CNTN4: variants seen among roughly 807,000 people sequenced by gnomAD.
CNTN4 encodes contactin 4, also known as contactin-4.
Under a neutral mutation model 122.5 loss-of-function variants are expected in CNTN4, and 77 were observed. The observed-to-expected ratio is 0.63, with a 90% CI of 0.52 to 0.76. The LOEUF is 0.76. CNTN4 is among the 30% of genes least tolerant of loss of function. The pLI, the probability that CNTN4 is intolerant of heterozygous loss-of-function variation, is 0.00. For missense variants in CNTN4, 1,256 were observed against 1,259.1 expected, an observed-to-expected ratio of 1.00 and a Z score of 0.04; for synonymous variants, 512 against 447.0, an observed-to-expected ratio of 1.15 and a Z score of -1.83.
chr3:2,945,843 C>G (rs551542195), intron 13 of CNTN4, among the ~76,000 whole-genome samples: 4 of 152,102 alleles, frequency 2.6e-5, no homozygotes, highest in African/African-American at 7.2e-5. Flanking sequence ...AAATCAAGGG[C>G]TAGAAAAATA....
At chr3:2,290,474 G>A (rs553342730) in intron 2 of CNTN4, among the ~76,000 whole-genome samples, 58 of 152,240 alleles carry the variant, frequency 3.8e-4, no homozygotes, top group South Asian at 1.5e-3. Context: ...AGTTACAGGG[G>A]AAAATCATTA....
intron 3 of CNTN4, among the ~76,000 whole-genome samples, chr3:2,498,585 A>T (rs906526570): frequency 1.3e-5 from 2 of 151,538 alleles, no homozygotes; most frequent in Admixed American, 6.6e-5. Context: ...GGCTCAAATG[A>T]CCCTCCCACC....
Position 2,883,002 on chromosome 3 carries a change from G to A in CNTN4, c.653-143G>A, listed in dbSNP as rs4685575. On this transcript the variant is annotated intron_variant, in intron 8 of 24. Transcript: ENST00000418658. ...AGAAGAGCCACAATTCATGACTGCTGGAGATAGGACCTGCTTTAAATGAAG... is the reference window on the plus strand; with the variant it reads ...AGAAGAGCCACAATTCATGACTGCTAGAGATAGGACCTGCTTTAAATGAAG... 343,721 of 648,452 alleles carry A rather than the reference G, an allele frequency of 0.53. 93,523 individuals carry two copies. The highest frequency in any genetic ancestry group is 0.78 in the East Asian group (25,381 of 32,552). The allele number at this position is 648,452 out of a possible 1,614,324, so 40.2% of individuals were successfully genotyped here. A position where few individuals can be genotyped will look rare whatever the true frequency, so the allele number is the denominator to read the frequency against.
intron 6 of CNTN4, among the ~76,000 whole-genome samples, chr3:2,815,979 G>A (rs1443027948): frequency 6.6e-6 from 1 of 151,792 alleles, no homozygotes; most frequent in African/African-American, 2.4e-5. Context: ...TCTAAGTGAA[G>A]TAACTCAGGA....
At chr3:2,947,764 G>T (rs551182175) in intron 13 of CNTN4, among the ~76,000 whole-genome samples, 6 of 152,162 alleles carry the variant, frequency 3.9e-5, no homozygotes, top group Non-Finnish European at 8.8e-5. Flanking sequence ...ATAGATACCA[G>T]ACATCTAACA....
chr3:2,920,832 G>A (rs988946652), intron 12 of CNTN4, among the ~76,000 whole-genome samples: 3 of 151,996 alleles, frequency 2.0e-5, no homozygotes, highest in East Asian at 1.9e-4. Context: ...AAAGGAATAG[G>A]AGTTTTTAAA....
chr3:2,306,008 TACA>T (rs1279555231), intron 2 of CNTN4, among the ~76,000 whole-genome samples: 4 of 152,224 alleles, frequency 2.6e-5, no homozygotes, highest in Non-Finnish European at 5.9e-5. Flanking sequence ...TCTATGGATA[TACA>T]ACATTTTGTT....
intron 3 of CNTN4, among the ~76,000 whole-genome samples, chr3:2,437,154 CA>C (rs1209910471): frequency 2.6e-5 from 4 of 152,106 alleles, no homozygotes; most frequent in Non-Finnish European, 5.9e-5. Context: ...TGTTCATTGC[CA>C]AAGTGCTCAG....
chr3:2,669,335 G>C (rs930652664), intron 4 of CNTN4, among the ~76,000 whole-genome samples: 5 of 152,052 alleles, frequency 3.3e-5, no homozygotes, highest in South Asian at 4.1e-4. Flanking sequence ...TGTATGTGTC[G>C]AGGAATTTAT....
intron 3 of CNTN4, among the ~76,000 whole-genome samples, chr3:2,527,701 A>T (rs1336868011): frequency 6.6e-6 from 1 of 152,044 alleles, no homozygotes; most frequent in Non-Finnish European, 1.5e-5. Flanking sequence ...AAATAGAAAT[A>T]CCTGTCTATT....
intron 14 of CNTN4, among the ~76,000 whole-genome samples, chr3:3,018,309 T>C (rs1177911719): frequency 1.3e-5 from 2 of 152,264 alleles, no homozygotes; most frequent in Non-Finnish European, 2.9e-5. Context: ...CATTCTTCTT[T>C]TTATAAGTAG....
chr3:2,442,894 G>A (rs1341516731), intron 3 of CNTN4, among the ~76,000 whole-genome samples: 1 of 152,092 alleles, frequency 6.6e-6, no homozygotes, highest in African/African-American at 2.4e-5. Context: ...TGTCTCTGAA[G>A]AAGTATTTCC....
intron 4 of CNTN4, among the ~76,000 whole-genome samples, chr3:2,627,157 G>T (rs2082222858): frequency 6.6e-6 from 1 of 152,164 alleles, no homozygotes; most frequent in African/African-American, 2.4e-5. Flanking sequence ...CAAGCCCCAG[G>T]TACCTGGGAC....
intron 17 of CNTN4, among the ~76,000 whole-genome samples, chr3:3,036,909 T>C (rs1343507445): frequency 6.6e-6 from 1 of 152,212 alleles, no homozygotes; most frequent in Non-Finnish European, 1.5e-5. Flanking sequence ...TAGTAATGAT[T>C]GAGTCAGGTA....
In CNTN4 at chr3:2,841,085, G is replaced by T. The variant is rs1456625074; in HGVS notation, c.454+21504G>T. ...GTCAAGGATCTTCAAAATCATACATGACTGATACCAATCTCATCATTGGAC... is the reference window on the plus strand; with the variant it reads ...GTCAAGGATCTTCAAAATCATACATTACTGATACCAATCTCATCATTGGAC... On this transcript the variant is annotated intron_variant, in intron 7 of 24. Coordinates refer to ENST00000418658, the MANE Select transcript of CNTN4 (RefSeq NM_175607.3). The surrounding 1 kb of genome is among the most constrained non-coding windows in gnomAD (Gnocchi z 4.8). 6.6e-6 allele frequency among the ~76,000 whole-genome samples: 1 copy of T among 152,114 alleles called. No individual in the cohort carries two copies. The highest frequency in any genetic ancestry group is 1.5e-5 in the Non-Finnish European group (1 of 68,020).
intron 2 of CNTN4, among the ~76,000 whole-genome samples, chr3:2,176,109 A>C (rs1311061468): frequency 6.6e-6 from 1 of 152,148 alleles, no homozygotes; most frequent in Non-Finnish European, 1.5e-5. Context: ...GCTTCCATGC[A>C]CAGGTACTTG....
At chr3:2,631,253 T>G (rs2082417103) in intron 4 of CNTN4, among the ~76,000 whole-genome samples, 1 of 152,216 alleles carries the variant, frequency 6.6e-6, no homozygotes, top group Non-Finnish European at 1.5e-5. Flanking sequence ...TGATGGGTTA[T>G]TGTGATGAAT....
At chr3:2,123,938 GA>G (rs1244428764) in intron 2 of CNTN4, among the ~76,000 whole-genome samples, 3 of 152,174 alleles carry the variant, frequency 2.0e-5, no homozygotes, top group Non-Finnish European at 4.4e-5. Context: ...AGGCCCTGGT[GA>G]ATTTTTAAAT....
chr3:2,527,799 A>G (rs551018329), intron 3 of CNTN4, among the ~76,000 whole-genome samples: 3 of 152,206 alleles, frequency 2.0e-5, no homozygotes, highest in East Asian at 3.9e-4. Context: ...CAAAAATAGA[A>G]CAAGTTTATT....
Sources: gnomAD v4.1 joint callset for allele counts (sites outside exome capture counted in the v4.1 genomes callset) on GRCh38, gnomAD v4.1.1 for gene constraint, Gnocchi (gnomAD v3.1) non-coding constraint, MANE v1.5 for transcripts, NCBI Gene and HGNC (gene_info 2026-07-23, HGNC 2026-07-21) for gene names.